The following GASK1B variants were observed in gnomAD, a reference collection of about 807,000 sequenced individuals.
The protein encoded by GASK1B is golgi associated kinase 1B.
Under a neutral mutation model 42.8 loss-of-function variants are expected in GASK1B, and 34 were observed. The observed-to-expected ratio is 0.79, with a 90% confidence interval of 0.60 to 1.06. The LOEUF is 1.06. GASK1B is among the 50% of genes least tolerant of loss of function. The probability of loss-of-function intolerance (pLI) is 0.00; values close to 1 mark genes in which losing one functional copy is unlikely to be tolerated. For synonymous variants in GASK1B, 262 were observed against 259.1 expected (o/e 1.01, Z -0.11); for missense variants, 686 against 661.0 (o/e 1.04, Z -0.42).
At chr4:158,139,871 T>C (rs1731047094) in intron 3 of GASK1B, among the ~76,000 whole-genome samples, 1 of 152,208 alleles carries the variant, frequency 6.6e-6, no homozygotes, top group Non-Finnish European at 1.5e-5. Context: ...AAGACAACCA[T>C]TGCACTATGG....
intron 3 of GASK1B, among the ~76,000 whole-genome samples, chr4:158,135,359 T>C (rs2110938850): frequency 6.7e-6 from 1 of 149,970 alleles, no homozygotes; most frequent in South Asian, 2.1e-4. Flanking sequence ...ATATTTTTAT[T>C]TTATTTATAT....
At chr4:158,142,101 C>A (rs1489336677) in intron 3 of GASK1B, among the ~76,000 whole-genome samples, 1 of 149,732 alleles carries the variant, frequency 6.7e-6, no homozygotes, top group African/African-American at 2.5e-5. Flanking sequence ...CCCGCCACCA[C>A]GCCCGGCTAA....
intron 2 of GASK1B, among the ~76,000 whole-genome samples, chr4:158,163,487 C>T (rs13113959): frequency 0.92 from 140,353 of 151,828 alleles, 65,150 homozygotes; most frequent in East Asian, 0.98. Context: ...GAGAATTGCT[C>T]GAACCCAGGA....
chr4:158,161,855 T>G (rs974202291), intron 2 of GASK1B, among the ~76,000 whole-genome samples: 5 of 152,146 alleles, frequency 3.3e-5, no homozygotes, highest in Non-Finnish European at 5.9e-5. Context: ...CTTCTTACAG[T>G]GCAAAGCCCA....
intron 3 of GASK1B, among the ~76,000 whole-genome samples, chr4:158,146,061 G>A (rs1366996364): frequency 2.6e-5 from 4 of 151,540 alleles, no homozygotes; most frequent in African/African-American, 4.9e-5. Flanking sequence ...CTAAATATAC[G>A]TGTATTGTGA....
chr4:158,163,157 T>A (rs1035255114), intron 2 of GASK1B, among the ~76,000 whole-genome samples: 1 of 152,196 alleles, frequency 6.6e-6, no homozygotes, highest in Non-Finnish European at 1.5e-5. Context: ...AAATGAAAAT[T>A]TTAGGTGCCC....
chr4:158,159,597 G>A (rs969754354), intron 2 of GASK1B: 2 of 349,496 alleles, frequency 5.7e-6, no homozygotes, highest in African/African-American at 4.3e-5. Flanking sequence ...ACTCTCTAGA[G>A]AAATCTCAAC....
chr4:158,154,113 A>T (rs1232345525), intron 3 of GASK1B, among the ~76,000 whole-genome samples: 1 of 151,700 alleles, frequency 6.6e-6, no homozygotes, highest in African/African-American at 2.4e-5. Context: ...CAAACTATGC[A>T]TGACAAAGGA....
chr4:158,147,799 C>G (rs956589549), intron 3 of GASK1B, among the ~76,000 whole-genome samples: 1 of 151,868 alleles, frequency 6.6e-6, no homozygotes, highest in African/African-American at 2.4e-5. Context: ...GATTGACAAA[C>G]GTTAATTTTC....
At chr4:158,158,338 C>A (rs1407777003) in intron 2 of GASK1B, among the ~76,000 whole-genome samples, 2 of 152,020 alleles carry the variant, frequency 1.3e-5, no homozygotes. Flanking sequence ...CTTCAACTGA[C>A]CTTTACCATT....
intron 3 of GASK1B, among the ~76,000 whole-genome samples, chr4:158,139,814 C>G (rs1056204037): frequency 2.0e-5 from 3 of 152,160 alleles, no homozygotes; most frequent in Non-Finnish European, 2.9e-5. Context: ...ATGAAAAAAG[C>G]AGCTAGTTCA....
intron 3 of GASK1B, among the ~76,000 whole-genome samples, chr4:158,144,398 G>A (rs966075065): frequency 5.3e-5 from 8 of 152,158 alleles, no homozygotes; most frequent in Non-Finnish European, 1.0e-4. Flanking sequence ...GTCTAAGTCA[G>A]ACTTTTGAAT....
intron 3 of GASK1B, among the ~76,000 whole-genome samples, chr4:158,147,476 T>C (rs1412786539): frequency 2.6e-5 from 4 of 151,854 alleles, no homozygotes; most frequent in Non-Finnish European, 5.9e-5. Flanking sequence ...TGGTGGTGCA[T>C]ACCCATAGTC....
chr4:158,155,582 T>C, intron 3 of GASK1B, 29 bp downstream of exon 3: 1 of 1,583,468 alleles, frequency 6.3e-7, no homozygotes, highest in Middle Eastern at 1.7e-4. Context: ...CAGTCTTAGA[T>C]AACTATTTGC....
intron 2 of GASK1B, among the ~76,000 whole-genome samples, chr4:158,167,589 T>G (rs1732277213): frequency 6.6e-6 from 1 of 152,198 alleles, no homozygotes; most frequent in South Asian, 2.1e-4. Context: ...AAATATTTAT[T>G]GAGCATCTAC....
chr4:158,129,746 G>T (rs541726241), intron 4 of GASK1B, among the ~76,000 whole-genome samples: 3 of 152,088 alleles, frequency 2.0e-5, no homozygotes, highest in Non-Finnish European at 4.4e-5. Flanking sequence ...CAGTCACCTA[G>T]CTTCACACAG....
In GASK1B at chr4:158,171,590, C is replaced by G; in HGVS notation, c.-215G>C. Reference sequence around the variant, plus strand: ...TTATCAGTCTCCCCAAGGAGAAATGCGGCTTGTTTCTGGGAATGAATGGAT... The same window carrying G: ...TTATCAGTCTCCCCAAGGAGAAATGGGGCTTGTTTCTGGGAATGAATGGAT... On this transcript the variant is annotated 5_prime_UTR_variant, in exon 2 of 5. Transcript: ENST00000585682. The G allele has an allele frequency of 2.3e-6, 1 of 440,050 alleles. No homozygotes were observed. The highest frequency in any genetic ancestry group is 8.1e-5 in the South Asian group (1 of 12,306). 27.3% of individuals were successfully genotyped at this position (440,050 alleles called of 1,614,324 possible). A position where few individuals can be genotyped will look rare whatever the true frequency, so the allele number is the denominator to read the frequency against.
chr4:158,138,070 A>G (rs763409579), intron 3 of GASK1B, among the ~76,000 whole-genome samples: 2 of 152,212 alleles, frequency 1.3e-5, no homozygotes, highest in African/African-American at 2.4e-5. Flanking sequence ...ACACGTAATG[A>G]CACAGTATTT....
rs766218659 is a variant in GASK1B at position 158,171,042 on chromosome 4, G to T, written c.334C>A (p.Arg112Ser). The change falls in exon 2 of 5, where the codon CGC becomes AGC. Residue 112 changes from arginine (R) to serine (S), a missense_variant. Coordinates refer to ENST00000585682, the MANE Select transcript of GASK1B (RefSeq NM_001128424.2). ...LQPNVVYITLRSKRSKPANIR... is the reference protein window; with the variant it reads ...LQPNVVYITLSSKRSKPANIR... Reference sequence around the variant, plus strand: ...TTGGCCGGCTTGCTGCGCTTGGAGCGTAGGGTAATGTACACCACATTGGGC... The same window carrying T: ...TTGGCCGGCTTGCTGCGCTTGGAGCTTAGGGTAATGTACACCACATTGGGC... 1.1e-5 allele frequency: 18 copies of T among 1,613,824 alleles called. No homozygotes were observed. Among genetic ancestry groups the T allele is most frequent in the Non-Finnish European group, 1.4e-5 (17 of 1,179,768 alleles).
Sources: gnomAD v4.1 joint callset for allele counts (sites outside exome capture counted in the v4.1 genomes callset) on GRCh38, gnomAD v4.1.1 for gene constraint, MANE v1.5 for transcripts, NCBI Gene and HGNC (gene_info 2026-07-23, HGNC 2026-07-21) for gene names.